PCDHA4: variants seen among roughly 807,000 people sequenced by gnomAD.
The protein encoded by PCDHA4 is protocadherin alpha 4.
PCDHA4 carries 49 observed loss-of-function variants against 61.4 expected under a neutral mutation model. The ratio of observed to expected loss-of-function variants is 0.80; its 90% CI spans 0.63 to 1.01. The LOEUF (loss-of-function observed/expected upper bound fraction) is 1.01, where lower values mean the gene tolerates loss of function less well. Among genes scored for constraint, PCDHA4 ranks in the 50% least tolerant of loss-of-function variants. The pLI, the probability that PCDHA4 is intolerant of heterozygous loss-of-function variation, is 0.00. For synonymous variants in PCDHA4, 590 were observed against 550.3 expected (o/e 1.07, Z -1.01); for missense variants, 1,254 against 1,235.8 (o/e 1.01, Z -0.22).
At chr5:140,913,523 T>G (rs2076374733) in intron 1 of PCDHA4, among the ~76,000 whole-genome samples, 2 of 152,156 alleles carry the variant, frequency 1.3e-5, no homozygotes, top group Admixed American at 6.5e-5. Context: ...TATTTATCTT[T>G]TCAAAAGATT....
Position 140,978,960 on chromosome 5 carries a change from C to G in PCDHA4, c.2397C>G (p.Pro799=), listed in dbSNP as rs560855761. The G allele has an allele frequency of 2.6e-5, 42 of 1,614,120 alleles. No homozygotes were observed. The highest frequency in any genetic ancestry group is 2.5e-4 in the African/African-American group (19 of 75,024). The change falls in exon 2 of 4, where the codon CCC becomes CCG. Residue 799 remains proline, a synonymous_variant. Coordinates refer to ENST00000530339, the MANE Select transcript of PCDHA4 (RefSeq NM_018907.4). ...TTGTGATTTTGCAGCCACGACAGCC[C>G]AACCCTGACTGGCGTTACTCTGCCT... ...TEESFAKPRQ[P]NPDWRYSASL...
intron 1 of PCDHA4, chr5:140,862,594 A>G: frequency 2.0e-6 from 1 of 509,532 alleles, no homozygotes; most frequent in Non-Finnish European, 4.0e-6. Flanking sequence ...GCCCGAGTAC[A>G]TGGTGTTCGT....
intron 1 of PCDHA4, among the ~76,000 whole-genome samples, chr5:140,873,824 C>A (rs1411429273): frequency 6.6e-6 from 1 of 152,118 alleles, no homozygotes; most frequent in Non-Finnish European, 1.5e-5. Flanking sequence ...CCACTCCTGG[C>A]TAATTTTTGT....
In PCDHA4 at chr5:140,807,327, G is replaced by A. The variant is rs199939862; in HGVS notation, c.140G>A (p.Arg47His). Residue 47 changes from arginine (R) to histidine (H), a missense_variant, in exon 1 of 4, where the codon CGC (arginine) becomes CAC (histidine). Physicochemically the swap from Arg to His is conservative, Grantham distance 29. Coordinates refer to ENST00000530339, the MANE Select transcript of PCDHA4 (RefSeq NM_018907.4). ...GCCAAACACGGCACCTTCGTGGGCCGCATCGCGCAGGACCTGGGACTGGAG... is the reference window on the plus strand; with the variant it reads ...GCCAAACACGGCACCTTCGTGGGCCACATCGCGCAGGACCTGGGACTGGAG... ...EEAKHGTFVG[R>H]IAQDLGLELA... is the part of the protein sequence containing the mutation. The A allele has an allele frequency of 6.2e-7, 1 of 1,613,720 alleles. No homozygotes were observed. Among genetic ancestry groups the A allele is most frequent in the Non-Finnish European group, 8.5e-7 (1 of 1,179,990 alleles).
chr5:140,912,381 A>G (rs1554195316), intron 1 of PCDHA4, among the ~76,000 whole-genome samples: 2 of 150,140 alleles, frequency 1.3e-5, no homozygotes, highest in African/African-American at 4.9e-5. Context: ...AAAGGGATTG[A>G]GTTCTTAATT....
Position 140,809,464 on chromosome 5 carries a change from C to A in PCDHA4, c.2277C>A (p.Cys759Ter). ...SYSQQRRPRVCSGEGPPKTDL... is the reference protein window; with the variant it reads ...SYSQQRRPRV ...CGCAGCAGAGGAGGCCGAGGGTGTG[C>A]TCTGGTGAGGGCCCACCCAAGACCG... The change falls in exon 1 of 4, where the codon TGC (cysteine) becomes TGA (stop). Residue 759 changes from cysteine to a stop codon, truncating the protein, a stop_gained. Coordinates refer to ENST00000530339, the MANE Select transcript of PCDHA4 (RefSeq NM_018907.4). LOFTEE classifies it high-confidence loss of function. The A allele has an allele frequency of 6.2e-7, 1 of 1,614,248 alleles. No individual in the cohort carries two copies. Among genetic ancestry groups the A allele is most frequent in the Non-Finnish European group, 8.5e-7 (1 of 1,180,040 alleles).
intron 1 of PCDHA4, among the ~76,000 whole-genome samples, chr5:140,942,747 A>C (rs1291200302): frequency 6.6e-6 from 1 of 152,232 alleles, no homozygotes; most frequent in African/African-American, 2.4e-5. Flanking sequence ...AAAATCTTGT[A>C]TAAATGAGAT....
At chr5:140,968,050 C>T (rs782392575) in intron 1 of PCDHA4, 12 of 1,614,178 alleles carry the variant, frequency 7.4e-6, no homozygotes, top group Admixed American at 1.7e-5. Flanking sequence ...GCCCACTGGA[C>T]CGAGAGCGGG....
intron 3 of PCDHA4, among the ~76,000 whole-genome samples, chr5:141,005,325 A>G (rs1430982331): frequency 6.6e-6 from 1 of 152,226 alleles, no homozygotes; most frequent in Non-Finnish European, 1.5e-5. Context: ...GTAGAGAATA[A>G]TAGGCCAAGG....
intron 1 of PCDHA4, chr5:140,882,939 G>T: frequency 2.5e-6 from 4 of 1,614,164 alleles, no homozygotes; most frequent in Non-Finnish European, 3.4e-6. Context: ...GAGCTGACTG[G>T]CACAGTTCAG....
At chr5:140,871,360 AG>A in intron 1 of PCDHA4, 1 of 1,614,180 alleles carries the variant, frequency 6.2e-7, no homozygotes, top group East Asian at 2.2e-5. Context: ...CTCGCAGCAG[AG>A]GCGGCAGAGG....
chr5:140,824,555 G>A, intron 1 of PCDHA4: 1 of 172,410 alleles, frequency 5.8e-6, no homozygotes, highest in Non-Finnish European at 1.2e-5. Context: ...GGGCTCAAGT[G>A]ATCCTCCTAT....
At chr5:140,813,135 G>A (rs1765233097) in intron 1 of PCDHA4, 1 of 152,140 alleles carries the variant, frequency 6.6e-6, no homozygotes, top group Admixed American at 6.5e-5. Context: ...GGAATTTTCT[G>A]TATATGTCTG....
At chr5:140,849,071 T>C (rs2150430032) in intron 1 of PCDHA4, 1 of 1,532,554 alleles carries the variant, frequency 6.5e-7, no homozygotes, top group Non-Finnish European at 8.9e-7. Flanking sequence ...TAAAACCTCT[T>C]GGACTTGTAT....
chr5:140,909,134 C>A (rs1337385284), intron 1 of PCDHA4, among the ~76,000 whole-genome samples: 3 of 152,140 alleles, frequency 2.0e-5, no homozygotes, highest in Non-Finnish European at 4.4e-5. Flanking sequence ...AGGTAATGAA[C>A]CAGTGTGATA....
rs371577720 is a variant in PCDHA4 at position 140,877,172 on chromosome 5, C to G, written c.2385+67600C>G. 239 of 1,613,700 alleles carry G rather than the reference C, an allele frequency of 1.5e-4. No homozygotes were observed. Among genetic ancestry groups the G allele is most frequent in the Non-Finnish European group, 1.9e-4 (229 of 1,179,846 alleles). On this transcript the variant is annotated intron_variant, in intron 1 of 3. Transcript: ENST00000530339. ...AACGACAACGCGCCGGCACTGCTGG[C>G]GACTCCGGCTGGCAGCGCAGGAGGC...
chr5:140,820,568 C>T (rs1554127882), intron 1 of PCDHA4, among the ~76,000 whole-genome samples: 1 of 151,874 alleles, frequency 6.6e-6, no homozygotes, highest in East Asian at 1.9e-4. Context: ...TTCTTTTGCC[C>T]ATATTTATTA....
chr5:140,876,728 C>G (rs200398819), intron 1 of PCDHA4: 4 of 1,614,244 alleles, frequency 2.5e-6, no homozygotes, highest in African/African-American at 2.7e-5. Flanking sequence ...GAGAGCGTGT[C>G]GGCCTATGAG....
intron 1 of PCDHA4, chr5:140,857,591 A>C: frequency 6.3e-7 from 1 of 1,596,270 alleles, no homozygotes; most frequent in Non-Finnish European, 8.6e-7. Flanking sequence ...GGAGAGCGGC[A>C]AGGTGTACGC....
Sources: allele counts gnomAD v4.1 joint callset (sites outside exome capture counted in the v4.1 genomes callset), GRCh38; gene constraint gnomAD v4.1.1; transcripts MANE v1.5; gene names NCBI Gene and HGNC (gene_info 2026-07-23, HGNC 2026-07-21).